EVI5: variants seen among roughly 807,000 people sequenced by gnomAD.
EVI5 encodes the protein ecotropic viral integration site 5 protein homolog.
A neutral mutation model predicts 112.0 loss-of-function variants in EVI5; 73 were observed. The observed-to-expected ratio is 0.65, with a 90% CI of 0.54 to 0.79. The LOEUF is 0.79. Ranked by LOEUF, EVI5 falls within the 30% of genes least tolerant of loss-of-function variation. EVI5 has a pLI of 0.00. For synonymous variants in EVI5, 305 were observed against 319.9 expected, an observed-to-expected ratio of 0.95 and a Z score of 0.50; for missense variants, 900 against 968.8, an observed-to-expected ratio of 0.93 and a Z score of 0.94.
rs3042578 is a variant in EVI5, at chr1:92,747,716, C to CAAAAAAAAAAAAAAAAAAAAAAA, written c.-81-11090_-81-11089insTTTTTTTTTTTTTTTTTTTTTTT. The stretch of plus-strand genomic sequence containing the variant: ...GTGACAGAGCCAGACTCCATCTCAC[C>CAAAAAAAAAAAAAAAAAAAAAAA]AAAAAAAAAAACAAAAAAAAAAACC... On this transcript the variant is annotated intron_variant, in intron 1 of 19. Coordinates refer to ENST00000684568, the MANE Select transcript of EVI5 (RefSeq NM_001350197.2). Among the ~76,000 whole-genome samples the CAAAAAAAAAAAAAAAAAAAAAAA allele has an allele frequency of 4.8e-5, 4 of 83,546 alleles. 2 individuals carry two copies. The highest frequency in any genetic ancestry group is 8.7e-5 in the Non-Finnish European group (4 of 45,718). 54.8% of individuals were successfully genotyped at this position (83,546 alleles called of 152,430 possible). A position where few individuals can be genotyped will look rare whatever the true frequency, so the allele number is the denominator to read the frequency against.
At chr1:92,719,100 G>A (rs139886002) in intron 2 of EVI5, among the ~76,000 whole-genome samples, 9,307 of 150,848 alleles carry the variant, frequency 0.062, 919 homozygotes, top group African/African-American at 0.21. Flanking sequence ...ATTCACAGCC[G>A]AATTCTACCA....
chr1:92,568,882 G>A (rs1571600146), intron 18 of EVI5, among the ~76,000 whole-genome samples: 2 of 152,248 alleles, frequency 1.3e-5, no homozygotes, highest in South Asian at 4.1e-4. Context: ...TACGAAATGT[G>A]TTCATCAACT....
chr1:92,785,492 T>TC (rs1414188910), upstream of EVI5, among the ~76,000 whole-genome samples: 15 of 152,100 alleles, frequency 9.9e-5, no homozygotes, highest in Non-Finnish European at 2.2e-4. Flanking sequence ...AGCCCCGAGC[T>TC]CCCCCAGAGG....
chr1:92,784,326 C>T (rs1480805328), intron 1 of EVI5: 1 of 985,306 alleles, frequency 1.0e-6, no homozygotes, highest in Non-Finnish European at 1.2e-6. Context: ...ACAAACTCTT[C>T]TCAAGTTCAT....
At chr1:92,585,202 G>C (rs1448379788) in intron 18 of EVI5, among the ~76,000 whole-genome samples, 5 of 133,116 alleles carry the variant, frequency 3.8e-5, no homozygotes, top group African/African-American at 1.5e-4. Flanking sequence ...TAGCCTAAGA[G>C]ACAGAGTGAG....
chr1:92,603,593 GTTTA>G (rs987426648), intron 18 of EVI5, among the ~76,000 whole-genome samples: 88 of 151,934 alleles, frequency 5.8e-4, no homozygotes, highest in African/African-American at 1.9e-3. Flanking sequence ...CTTACTGTAA[GTTTA>G]TTTATAAACT....
At chr1:92,589,235 G>A (rs757531764) in intron 18 of EVI5, among the ~76,000 whole-genome samples, 6 of 152,140 alleles carry the variant, frequency 3.9e-5, no homozygotes, top group East Asian at 3.9e-4. Flanking sequence ...GAGGTACTGC[G>A]TTCATCTCAC....
chr1:92,546,356 C>T (rs931773488), intron 19 of EVI5, among the ~76,000 whole-genome samples: 3 of 151,924 alleles, frequency 2.0e-5, no homozygotes, highest in Non-Finnish European at 4.4e-5. Flanking sequence ...TGTAGTATGA[C>T]GGAGAACAAA....
At chr1:92,664,769 T>C (rs556234834) in intron 11 of EVI5, among the ~76,000 whole-genome samples, 1 of 152,354 alleles carries the variant, frequency 6.6e-6, no homozygotes, top group East Asian at 1.9e-4. Context: ...ATCAATACTT[T>C]TCAAACAAAC....
intron 13 of EVI5, among the ~76,000 whole-genome samples, chr1:92,661,977 C>T (rs939359154): frequency 1.3e-5 from 2 of 152,062 alleles, no homozygotes; most frequent in African/African-American, 4.8e-5. Context: ...TTTTCTTTTA[C>T]CCTCATATTC....
intron 2 of EVI5, among the ~76,000 whole-genome samples, chr1:92,717,292 C>A (rs1056175457): frequency 1.3e-5 from 2 of 152,056 alleles, no homozygotes; most frequent in African/African-American, 4.8e-5. Flanking sequence ...TAAGGGCAGA[C>A]AGAAAGGTCG....
intron 1 of EVI5, among the ~76,000 whole-genome samples, chr1:92,784,083 A>G (rs774660685): frequency 5.3e-5 from 8 of 152,176 alleles, no homozygotes; most frequent in Non-Finnish European, 1.0e-4. Flanking sequence ...TCTACCAGCA[A>G]TAGATAGGAG....
intron 13 of EVI5, among the ~76,000 whole-genome samples, chr1:92,644,489 G>T (rs1572078700): frequency 6.6e-6 from 1 of 152,046 alleles, no homozygotes; most frequent in Non-Finnish European, 1.5e-5. Context: ...CTCTACTTTT[G>T]TTTTCAATTT....
At chr1:92,680,963 T>C (rs554555616) in intron 9 of EVI5, among the ~76,000 whole-genome samples, 5 of 152,256 alleles carry the variant, frequency 3.3e-5, no homozygotes, top group Admixed American at 3.3e-4. Context: ...ATCCTACACA[T>C]GATCCTAGAG....
At chr1:92,550,840 A>T (rs1420517793) in intron 19 of EVI5, among the ~76,000 whole-genome samples, 1 of 126,272 alleles carries the variant, frequency 7.9e-6, no homozygotes, top group African/African-American at 3.0e-5. Flanking sequence ...GATATATTCA[A>T]TTAACTTAAA....
At chr1:92,771,481 T>C (rs1683399939) in intron 1 of EVI5, among the ~76,000 whole-genome samples, 1 of 152,132 alleles carries the variant, frequency 6.6e-6, no homozygotes, top group Non-Finnish European at 1.5e-5. Context: ...AGGGGTCACC[T>C]GATCCCTACC....
chr1:92,678,993 G>A (rs962607883), intron 9 of EVI5, among the ~76,000 whole-genome samples: 1 of 152,180 alleles, frequency 6.6e-6, no homozygotes, highest in Non-Finnish European at 1.5e-5. Flanking sequence ...CCCCTGGGCA[G>A]TGGACCAATA....
chr1:92,770,516 C>T (rs941514988), intron 1 of EVI5, among the ~76,000 whole-genome samples: 5 of 152,094 alleles, frequency 3.3e-5, no homozygotes, highest in African/African-American at 1.2e-4. Flanking sequence ...ACTGGCCAGG[C>T]GAGGTGGCTC....
At chr1:92,749,549 T>C (rs1476870705) in intron 1 of EVI5, among the ~76,000 whole-genome samples, 1 of 152,002 alleles carries the variant, frequency 6.6e-6, no homozygotes, top group African/African-American at 2.4e-5. Flanking sequence ...AACCAGATGC[T>C]CAATAAATGT....
Sources: gnomAD v4.1 joint callset for allele counts (sites outside exome capture counted in the v4.1 genomes callset) on GRCh38, gnomAD v4.1.1 for gene constraint, MANE v1.5 for transcripts, NCBI Gene and HGNC (gene_info 2026-07-23, HGNC 2026-07-21) for gene names.